Variants in CLPP observed in about 807,000 individuals in gnomAD.
CLPP encodes the protein caseinolytic mitochondrial matrix peptidase proteolytic subunit, also known as ATP-dependent Clp protease proteolytic subunit, mitochondrial.
A neutral mutation model predicts 27.4 loss-of-function variants in CLPP; 14 were observed. The observed-to-expected ratio is 0.51, with a 90% CI of 0.34 to 0.80. The LOEUF (loss-of-function observed/expected upper bound fraction) is 0.80. Ranked by LOEUF, CLPP falls within the 30% of genes least tolerant of loss-of-function variation. The pLI is 0.02. For missense variants in CLPP, 361 were observed against 403.6 expected, an observed-to-expected ratio of 0.89 and a Z score of 0.90; for synonymous variants, 193 against 166.6, an observed-to-expected ratio of 1.16 and a Z score of -1.22.
Position 6,366,017 on chromosome 19 carries a change from TCCTC to T in CLPP, c.556-238_556-235del, listed in dbSNP as rs201570658. Among the ~76,000 whole-genome samples, 3,966 of 152,036 alleles carry T rather than the reference TCCTC, an allele frequency of 0.026. 64 individuals are homozygous for T. Among genetic ancestry groups the T allele is most frequent in the Non-Finnish European group, 0.04 (2,742 of 68,014 alleles). ...TAATGCTGAGACAGAGAGACACTGT[TCCTC>T]CCAGTCTGCAAGGCTTCAGATGCAG... On this transcript the variant is annotated intron_variant, in intron 4 of 5. Coordinates refer to ENST00000245816, the MANE Select transcript of CLPP (RefSeq NM_006012.4).
intron 4 of CLPP, chr19:6,364,938 A>T (rs1032716328): frequency 1.4e-5 from 4 of 287,098 alleles, no homozygotes; most frequent in Non-Finnish European, 2.7e-5. Context: ...GTTAGCCAGG[A>T]TGGTCTCGAT....
intron 4 of CLPP, 33 bp from the exon 5 acceptor site, chr19:6,366,225 C>A (rs576609366): frequency 6.6e-7 from 1 of 1,505,764 alleles, no homozygotes; most frequent in Non-Finnish European, 9.2e-7. Flanking sequence ...CGATACCAAC[C>A]TTTACCCCCT....
intron 3 of CLPP, among the ~76,000 whole-genome samples, chr19:6,363,373 T>G (rs111323657): frequency 0.013 from 1,920 of 152,140 alleles, 42 homozygotes; most frequent in African/African-American, 0.043. Context: ...TCCACCCGCC[T>G]CAGCCTCCCA....
At position 6,361,571 on chromosome 19, in the gene CLPP, A is replaced by T; in HGVS notation, c.-4A>T. 2.1e-6 allele frequency: 3 copies of T among 1,397,648 alleles called. 1 individual carries two copies. Among genetic ancestry groups the T allele is most frequent in the Non-Finnish European group, 2.8e-6 (3 of 1,072,360 alleles). The allele number at this position is 1,397,648 out of a possible 1,614,324, so 86.6% of individuals were successfully genotyped here. A position where few individuals can be genotyped will look rare whatever the true frequency, so the allele number is the denominator to read the frequency against. On this transcript the variant is annotated 5_prime_UTR_variant, in exon 1 of 6. Coordinates refer to ENST00000245816, the MANE Select transcript of CLPP (RefSeq NM_006012.4). ...GACGGAAGCCGACCGGGGCGTGCGG[A>T]GGGATGTGGCCCGGAATATTGGTAG...
At chr19:6,364,030 A>ATTT (rs552499372) in intron 3 of CLPP, among the ~76,000 whole-genome samples, 2 of 135,100 alleles carry the variant, frequency 1.5e-5, no homozygotes, top group African/African-American at 2.9e-5. Context: ...CCCAGTCTTA[A>ATTT]TTTTTTTTTT....
In CLPP at chr19:6,370,197, G is replaced by A. The variant is rs12610352; in HGVS notation, c.*1487G>A. 0.33 allele frequency among the ~76,000 whole-genome samples: 49,510 copies of A among 152,080 alleles called. 13,426 individuals carry two copies. The highest frequency in any genetic ancestry group is 0.74 in the African/African-American group (30,836 of 41,456). Reference sequence around the variant, plus strand: ...TACCTGATGTTTTGATATGTCCCTCGACATCAGGGTCAAGAGGTTGAAATA... The same window carrying A: ...TACCTGATGTTTTGATATGTCCCTCAACATCAGGGTCAAGAGGTTGAAATA... On this transcript the variant is annotated 3_prime_UTR_variant, in exon 6 of 6. Transcript: ENST00000245816.
At chr19:6,368,418 G>A (rs1244889748) in intron 5 of CLPP, 120 bp from the exon 6 acceptor site, 1 of 933,984 alleles carries the variant, frequency 1.1e-6, no homozygotes, top group Non-Finnish European at 1.7e-6. Flanking sequence ...CTAGGGGATG[G>A]GGCTTCAACA....
At position 6,362,174 on chromosome 19, in the gene CLPP, C is replaced by T. The variant is rs927848359; in HGVS notation, c.270+234C>T. The T allele has an allele frequency of 1.1e-4, 64 of 601,722 alleles. 4 individuals are homozygous for T. The South Asian group carries it at 1.2e-3, about 11-fold the overall frequency. The allele number at this position is 601,722 out of a possible 1,614,324, so 37.3% of individuals were successfully genotyped here. A position where few individuals can be genotyped will look rare whatever the true frequency, so the allele number is the denominator to read the frequency against. On this transcript the variant is annotated intron_variant, in intron 2 of 5. Transcript: ENST00000245816. ...TCCTTCCTGACACCTGGCACCGCTCCCCTCATTCCTACGCTCAAGACTCTC... is the reference window on the plus strand; with the variant it reads ...TCCTTCCTGACACCTGGCACCGCTCTCCTCATTCCTACGCTCAAGACTCTC...
intron 4 of CLPP, among the ~76,000 whole-genome samples, chr19:6,365,942 C>T (rs1415900568): frequency 6.7e-6 from 1 of 149,952 alleles, no homozygotes; most frequent in Non-Finnish European, 1.5e-5. Context: ...CATAGCAAGA[C>T]CCCATCTCTA....
rs75960158 is a variant in CLPP at position 6,367,617 on chromosome 19, G to C, written c.662-921G>C. ...GGGTGCTGGCATTATTCCATCTCTT[G>C]GTCTGGGTGCTGGTCCTGTAGGGTA... On this transcript the variant is annotated intron_variant, in intron 5 of 5. Transcript: ENST00000245816. 4.2e-4 allele frequency among the ~76,000 whole-genome samples: 64 copies of C among 152,028 alleles called. No homozygotes were observed. The East Asian group carries it at 9.3e-3, about 22-fold the overall frequency.
chr19:6,368,911 T>A lies in CLPP; in HGVS notation c.*201T>A. The stretch of plus-strand genomic sequence containing the variant: ...AAATCTTTGTGGTCTTTGCTCTGCG[T>A]CTGGGACACCCTCCCTTCTGCACCA... On this transcript the variant is annotated 3_prime_UTR_variant, in exon 6 of 6. Transcript: ENST00000245816. 1.7e-6 allele frequency: 1 copy of A among 592,400 alleles called. No individual in the cohort carries two copies. Among genetic ancestry groups the A allele is most frequent in the South Asian group, 2.0e-5 (1 of 49,596 alleles). 36.7% of individuals were successfully genotyped at this position (592,400 alleles called of 1,614,324 possible). A position where few individuals can be genotyped will look rare whatever the true frequency, so the allele number is the denominator to read the frequency against.
chr19:6,364,356 G>C (rs945883447), intron 3 of CLPP, 96 bp from the exon 4 acceptor site: 2 of 1,140,474 alleles, frequency 1.8e-6, no homozygotes, highest in African/African-American at 1.6e-5. Flanking sequence ...AAGGAGGGGG[G>C]CTGCATCTGT....
Position 6,361,554 on chromosome 19 carries a change from CCG to C in CLPP, c.-20_-19del, listed in dbSNP as rs1246723789. ...CTGTAGTTCCGCCATCGGACGGAAGCCGACCGGGGCGTGCGGAGGGATGTGGC... is the reference window on the plus strand; with the variant it reads ...CTGTAGTTCCGCCATCGGACGGAAGCACCGGGGCGTGCGGAGGGATGTGGC... On this transcript the variant is annotated 5_prime_UTR_variant, in exon 1 of 6. Transcript: ENST00000245816. The C allele has an allele frequency of 2.4e-5, 33 of 1,386,870 alleles. No homozygotes were observed. In the Admixed American group the frequency reaches 7.4e-4, roughly 31 times the overall value. 85.9% of individuals were successfully genotyped at this position (1,386,870 alleles called of 1,614,324 possible).
chr19:6,366,058 T>C (rs571996689), intron 4 of CLPP, among the ~76,000 whole-genome samples, 200 bp from the exon 5 acceptor site: 1 of 152,158 alleles, frequency 6.6e-6, no homozygotes, highest in East Asian at 1.9e-4. Flanking sequence ...AAATAACATA[T>C]ACTTAATCCA....
In CLPP at chr19:6,369,414, CAAAAAA is replaced by C. The variant is rs61441319; in HGVS notation, c.*714_*719del. 1.5e-4 allele frequency among the ~76,000 whole-genome samples: 17 copies of C among 115,166 alleles called. No homozygotes were observed. The highest frequency in any genetic ancestry group is 4.8e-4 in the African/African-American group (17 of 35,146). 75.6% of individuals were successfully genotyped at this position (115,166 alleles called of 152,430 possible). ...TGGGCAACAGAGCAAGGCTCTGTCT[CAAAAAA>C]AAAAAAAAACAAAAACAGGAAAGGT... On this transcript the variant is annotated 3_prime_UTR_variant, in exon 6 of 6. Coordinates refer to ENST00000245816, the MANE Select transcript of CLPP (RefSeq NM_006012.4).
At position 6,364,340 on chromosome 19, in the gene CLPP, T is replaced by C. The variant is rs554693755; in HGVS notation, c.368-112T>C. ...CCACAGCGCCCAGTCATATTAATTT[T>C]TAAAAAAGGAGGGGGGCTGCATCTG... On this transcript the variant is annotated intron_variant, in intron 3 of 5. Coordinates refer to ENST00000245816, the MANE Select transcript of CLPP (RefSeq NM_006012.4). 198 of 1,025,850 alleles carry C rather than the reference T, an allele frequency of 1.9e-4. 1 individual carries two copies. The East Asian group carries it at 5.2e-3, about 27-fold the overall frequency. 63.5% of individuals were successfully genotyped at this position (1,025,850 alleles called of 1,614,324 possible).
At chr19:6,364,711 A>G (rs1197518844) in intron 4 of CLPP, 72 bp downstream of exon 4, 14 of 1,412,848 alleles carry the variant, frequency 9.9e-6, no homozygotes, top group African/African-American at 1.5e-5. Context: ...ACTGGGCGGA[A>G]GTCAAGCGTG....
In CLPP at chr19:6,362,768, A is replaced by G. The variant is rs1034777499; in HGVS notation, c.367+226A>G. Reference sequence around the variant, plus strand: ...TGATCCTGCACATACTGTTCTGCCAACCTGACCCGGCTGACATTTAAAAAT... The same window carrying G: ...TGATCCTGCACATACTGTTCTGCCAGCCTGACCCGGCTGACATTTAAAAAT... On this transcript the variant is annotated intron_variant, in intron 3 of 5. Transcript: ENST00000245816. Among the ~76,000 whole-genome samples the G allele has an allele frequency of 3.3e-5, 5 of 152,238 alleles. No individual in the cohort carries two copies. In the East Asian group the frequency reaches 9.6e-4, roughly 29 times the overall value.
Position 6,368,528 on chromosome 19 carries a change from T to A in CLPP, c.662-10T>A. On this transcript the variant is annotated splice_polypyrimidine_tract_variant and intron_variant, in intron 5 of 5. Transcript: ENST00000245816. Reference sequence around the variant, plus strand: ...ACCCTAATGTGTCTCACCTCCTGCTTCCCCACCAGAGTCCGCCATGGAGAG... The same window carrying A: ...ACCCTAATGTGTCTCACCTCCTGCTACCCCACCAGAGTCCGCCATGGAGAG... The A allele has an allele frequency of 6.2e-7, 1 of 1,613,870 alleles. No homozygotes were observed. The highest frequency in any genetic ancestry group is 8.5e-7 in the Non-Finnish European group (1 of 1,179,948).
Sources: gnomAD v4.1 joint callset for allele counts (sites outside exome capture counted in the v4.1 genomes callset) on GRCh38, gnomAD v4.1.1 for gene constraint, MANE v1.5 for transcripts, NCBI Gene and HGNC (gene_info 2026-07-23, HGNC 2026-07-21) for gene names.